The following TRPS1 variants were observed in gnomAD, a reference collection of about 807,000 sequenced individuals.
The protein encoded by TRPS1 is zinc finger transcription factor Trps1.
Under a neutral mutation model 101.2 loss-of-function variants are expected in TRPS1, and 6 were observed. The observed-to-expected ratio is 0.06, with a 90% CI of 0.03 to 0.12. The LOEUF is 0.12. TRPS1 is among the 10% of genes least tolerant of loss of function. The pLI, the probability that TRPS1 is intolerant of heterozygous loss-of-function variation, is 1.00. For missense variants in TRPS1, 1,363 were observed against 1,567.0 expected (o/e 0.87, Z 2.20); for synonymous variants, 578 against 589.8 (o/e 0.98, Z 0.29).
chr8:115,442,324 T>C (rs1385997254), intron 5 of TRPS1, among the ~76,000 whole-genome samples: 1 of 152,150 alleles, frequency 6.6e-6, no homozygotes, highest in Non-Finnish European at 1.5e-5. Flanking sequence ...AAAAAATACA[T>C]TTAATTTTCT....
At chr8:115,514,465 C>T (rs1000245694) in intron 5 of TRPS1, among the ~76,000 whole-genome samples, 3 of 151,462 alleles carry the variant, frequency 2.0e-5, no homozygotes, top group Admixed American at 6.6e-5. Flanking sequence ...GGCATATATT[C>T]GTTTTATTAG....
chr8:115,598,834 C>T (rs1817845798), intron 4 of TRPS1, among the ~76,000 whole-genome samples: 1 of 152,180 alleles, frequency 6.6e-6, no homozygotes, highest in Non-Finnish European at 1.5e-5. Flanking sequence ...AGTCTGCCAA[C>T]CTAAATGTCT....
At chr8:115,444,391 G>A (rs553576387) in intron 5 of TRPS1, among the ~76,000 whole-genome samples, 31 of 152,268 alleles carry the variant, frequency 2.0e-4, no homozygotes, top group African/African-American at 7.2e-4. Context: ...ATACATTTTC[G>A]TTAAATAAAT....
At chr8:115,632,007 T>C (rs1235627815) in intron 1 of TRPS1, among the ~76,000 whole-genome samples, 2 of 152,122 alleles carry the variant, frequency 1.3e-5, no homozygotes, top group African/African-American at 2.4e-5. Context: ...TCCATAAATG[T>C]CTGTGTAACT....
At chr8:115,443,599 T>C (rs1426923715) in intron 5 of TRPS1, among the ~76,000 whole-genome samples, 1 of 152,204 alleles carries the variant, frequency 6.6e-6, no homozygotes, top group East Asian at 1.9e-4. Flanking sequence ...AAATCCTGCC[T>C]ATGACACTAA....
chr8:115,477,850 T>A (rs547068247), intron 5 of TRPS1, among the ~76,000 whole-genome samples: 1 of 152,060 alleles, frequency 6.6e-6, no homozygotes, highest in Non-Finnish European at 1.5e-5. Context: ...GCTAGATCCA[T>A]CCACATTGTC....
At chr8:115,429,127 A>G (rs1813258053) in intron 5 of TRPS1, among the ~76,000 whole-genome samples, 1 of 152,170 alleles carries the variant, frequency 6.6e-6, no homozygotes, top group Non-Finnish European at 1.5e-5. Flanking sequence ...TCACGGGAAA[A>G]CTACCTCTTC....
At chr8:115,569,940 T>C (rs1817161132) in intron 5 of TRPS1, among the ~76,000 whole-genome samples, 1 of 152,034 alleles carries the variant, frequency 6.6e-6, no homozygotes, top group Non-Finnish European at 1.5e-5. Context: ...AAAAAATAAA[T>C]TTTGGAGTCA....
chr8:115,584,516 T>A (rs1018083703), intron 5 of TRPS1, among the ~76,000 whole-genome samples: 4 of 151,966 alleles, frequency 2.6e-5, no homozygotes, highest in African/African-American at 4.8e-5. Flanking sequence ...TATATTTCTA[T>A]GGTGTATTTT....
chr8:115,415,642 T>C (rs1403990750), intron 6 of TRPS1, among the ~76,000 whole-genome samples: 1 of 152,112 alleles, frequency 6.6e-6, no homozygotes, highest in Non-Finnish European at 1.5e-5. Context: ...CCTAATCCAA[T>C]GGGGCTGTGG....
chr8:115,641,480 G>A (rs1818893630), intron 1 of TRPS1, among the ~76,000 whole-genome samples: 1 of 152,128 alleles, frequency 6.6e-6, no homozygotes, highest in African/African-American at 2.4e-5. Flanking sequence ...ACCATCCCAC[G>A]CCTTTCACCA....
chr8:115,485,109 T>C (rs1041786323), intron 5 of TRPS1, among the ~76,000 whole-genome samples: 7 of 152,208 alleles, frequency 4.6e-5, no homozygotes, highest in Admixed American at 1.3e-4. Context: ...GGGCTTGATA[T>C]ACACACACAA....
At chr8:115,468,437 A>G in intron 5 of TRPS1, among the ~76,000 whole-genome samples, 1 of 152,226 alleles carries the variant, frequency 6.6e-6, no homozygotes, top group East Asian at 1.9e-4. Flanking sequence ...CCCAGAATAA[A>G]GTGGAAGCAA....
chr8:115,577,228 TTA>T (rs1302596319), intron 5 of TRPS1, among the ~76,000 whole-genome samples: 1 of 152,198 alleles, frequency 6.6e-6, no homozygotes. Flanking sequence ...ATAATTATTT[TTA>T]AGTAAAGTGA....
intron 1 of TRPS1, among the ~76,000 whole-genome samples, chr8:115,665,927 TATAAC>T (rs1209437346): frequency 2.6e-5 from 4 of 152,154 alleles, no homozygotes; most frequent in African/African-American, 4.8e-5. Context: ...TATCCTAACA[TATAAC>T]ATACATATCA....
At chr8:115,614,261 T>C (rs1171060296) in intron 3 of TRPS1, among the ~76,000 whole-genome samples, 4 of 152,206 alleles carry the variant, frequency 2.6e-5, no homozygotes, top group African/African-American at 2.4e-5. Flanking sequence ...TAAATTTGAT[T>C]GAATCCACTG....
chr8:115,574,143 C>T (rs1009520169), intron 5 of TRPS1, among the ~76,000 whole-genome samples: 6 of 152,078 alleles, frequency 3.9e-5, no homozygotes, highest in African/African-American at 1.4e-4. Context: ...TAAGTTCTTC[C>T]ACAGTTCCTG....
chr8:115,573,056 G>A (rs1209898408), intron 5 of TRPS1, among the ~76,000 whole-genome samples: 2 of 151,922 alleles, frequency 1.3e-5, no homozygotes, highest in Non-Finnish European at 2.9e-5. Context: ...CCCAGGAGGT[G>A]GAGGTTGTGG....
chr8:115,546,680 T>A (rs890280227), intron 5 of TRPS1, among the ~76,000 whole-genome samples: 1 of 152,120 alleles, frequency 6.6e-6, no homozygotes, highest in African/African-American at 2.4e-5. Context: ...AATTACTTTT[T>A]AAAAATCTTT....
Sources: gnomAD v4.1 joint callset for allele counts (sites outside exome capture counted in the v4.1 genomes callset) on GRCh38, gnomAD v4.1.1 for gene constraint, MANE v1.5 for transcripts, NCBI Gene and HGNC (gene_info 2026-07-23, HGNC 2026-07-21) for gene names.